The following NBAS variants were observed in gnomAD, a reference collection of about 807,000 sequenced individuals.
NBAS encodes NAG/BC035112 fusion.
A neutral mutation model predicts 302.5 loss-of-function variants in NBAS; 219 were observed. That is an observed-to-expected ratio of 0.72 (90% CI 0.65 to 0.81). The LOEUF is 0.81. NBAS is among the 30% of genes least tolerant of loss of function. The probability of loss-of-function intolerance (pLI) is 0.00; values close to 1 mark genes in which losing one functional copy is unlikely to be tolerated. For missense variants in NBAS, 2,932 were observed against 2,841.6 expected, an observed-to-expected ratio of 1.03 and a Z score of -0.72; for synonymous variants, 1,118 against 1,021.6, an observed-to-expected ratio of 1.09 and a Z score of -1.80.
chr2:15,496,568 TA>T (rs1012837601), intron 11 of NBAS, among the ~76,000 whole-genome samples: 5 of 150,730 alleles, frequency 3.3e-5, no homozygotes, highest in African/African-American at 1.2e-4. Flanking sequence ...TATTTCACAA[TA>T]AAAAGCTTAG....
intron 40 of NBAS, among the ~76,000 whole-genome samples, chr2:15,298,368 A>G (rs1402633509): frequency 5.3e-5 from 8 of 152,246 alleles, no homozygotes; most frequent in Admixed American, 3.3e-4. Context: ...ATTTCTCACA[A>G]AAGCTTCTAA....
At chr2:14,787,882 G>C in the NBAS span, among the ~76,000 whole-genome samples, 2 of 152,112 alleles carry the variant, frequency 1.3e-5, no homozygotes, top group African/African-American at 4.8e-5. Context: ...TTGCTAGATT[G>C]GGGAAGTTCT....
chr2:15,167,249 G>A lies in NBAS; in HGVS notation c.6915C>T (p.Ser2305=). Residue 2305 remains serine (S), a synonymous_variant, in exon 52 of 52, where the codon TCC becomes TCT. Coordinates refer to ENST00000281513, the MANE Select transcript of NBAS (RefSeq NM_015909.4). ...LDAKLLVKCV[S]TPFYPRIVDH... The stretch of plus-strand genomic sequence containing the variant: ...CAACAATACGTGGATAGAAGGGAGT[G>A]GAGACACACTTCACCAGCAGCTTGG... 6.2e-7 allele frequency: 1 copy of A among 1,614,218 alleles called. No homozygotes were observed. The highest frequency in any genetic ancestry group is 1.1e-5 in the South Asian group (1 of 91,088).
At position 15,472,791 on chromosome 2, in the gene NBAS, C is replaced by G. The variant is rs114751234; in HGVS notation, c.1725+431G>C. On this transcript the variant is annotated intron_variant, in intron 16 of 51. Transcript: ENST00000281513. The stretch of plus-strand genomic sequence containing the variant: ...GTTCATTCCCTTCATGGATATGTCC[C>G]TTCAGCCCTAGGGTAGTCCTTAGCG... Among the ~76,000 whole-genome samples, 536 of 152,324 alleles carry G rather than the reference C, an allele frequency of 3.5e-3. 1 individual carries two copies. The highest frequency in any genetic ancestry group is 6.8e-3 in the Middle Eastern group (2 of 294).
At chr2:14,973,140 C>T in the NBAS span, among the ~76,000 whole-genome samples, 1 of 152,174 alleles carries the variant, frequency 6.6e-6, no homozygotes, top group African/African-American at 2.4e-5. Context: ...TTATAATGCA[C>T]CTCAGCCCTG....
chr2:15,419,082 T>C (rs564079095), intron 23 of NBAS, among the ~76,000 whole-genome samples: 9 of 152,302 alleles, frequency 5.9e-5, no homozygotes, highest in African/African-American at 1.4e-4. Flanking sequence ...TCGCCATTCA[T>C]TGACTGATTA....
At chr2:14,859,631 T>A in the NBAS span, among the ~76,000 whole-genome samples, 293 of 152,206 alleles carry the variant, frequency 1.9e-3, no homozygotes, top group African/African-American at 6.7e-3. Flanking sequence ...TGGATATTCA[T>A]ATGCAAAAGA....
At chr2:15,452,946 T>C (rs1442073809) in intron 21 of NBAS, among the ~76,000 whole-genome samples, 2 of 152,220 alleles carry the variant, frequency 1.3e-5, no homozygotes, top group African/African-American at 4.8e-5. Flanking sequence ...TATTAGGAGA[T>C]ATGTGTTAGT....
At chr2:15,037,881 T>C in the NBAS span, among the ~76,000 whole-genome samples, 1 of 152,070 alleles carries the variant, frequency 6.6e-6, no homozygotes, top group African/African-American at 2.4e-5. Flanking sequence ...GTCATACTAT[T>C]TGGGATGCAT....
chr2:15,060,221 G>A, the NBAS span, among the ~76,000 whole-genome samples: 5 of 152,122 alleles, frequency 3.3e-5, no homozygotes, highest in Admixed American at 2.6e-4. Flanking sequence ...AGATGTGGAC[G>A]TGGATTTGTG....
the NBAS span, among the ~76,000 whole-genome samples, chr2:15,071,767 G>A: frequency 6.6e-6 from 1 of 151,960 alleles, no homozygotes; most frequent in African/African-American, 2.4e-5. Flanking sequence ...GATTTCTCCC[G>A]GGTGGTTAAG....
the NBAS span, among the ~76,000 whole-genome samples, chr2:14,897,156 G>A: frequency 3.3e-5 from 5 of 151,974 alleles, no homozygotes; most frequent in South Asian, 2.1e-4. Context: ...GCGAGCAGGT[G>A]GCAAAGCTGG....
At chr2:14,825,687 C>A in the NBAS span, among the ~76,000 whole-genome samples, 4 of 152,182 alleles carry the variant, frequency 2.6e-5, no homozygotes, top group East Asian at 7.7e-4. Flanking sequence ...TTATAATATA[C>A]CTTGCAAATA....
At chr2:14,883,322 A>C in the NBAS span, among the ~76,000 whole-genome samples, 2 of 152,206 alleles carry the variant, frequency 1.3e-5, no homozygotes, top group Non-Finnish European at 2.9e-5. Flanking sequence ...TATGCCCTTT[A>C]GTACTAATGT....
chr2:15,379,587 A>G lies in NBAS; in HGVS notation c.3590+15T>C. 6.2e-7 allele frequency: 1 copy of G among 1,609,694 alleles called. No homozygotes were observed. Among genetic ancestry groups the G allele is most frequent in the Non-Finnish European group, 8.5e-7 (1 of 1,176,250 alleles). On this transcript the variant is annotated intron_variant, in intron 30 of 51. Transcript: ENST00000281513. ...TTCCCCCTCCATCTTAGGGAAGAAT[A>G]TAGAGTTATTCTACCTGGCTAGATC...
the NBAS span, among the ~76,000 whole-genome samples, chr2:14,815,755 C>A: frequency 1.3e-5 from 2 of 152,136 alleles, no homozygotes; most frequent in African/African-American, 4.8e-5. Context: ...GACCCACAAG[C>A]ACCTCAAACC....
At chr2:14,781,947 T>C in the NBAS span, among the ~76,000 whole-genome samples, 1 of 152,104 alleles carries the variant, frequency 6.6e-6, no homozygotes, top group African/African-American at 2.4e-5. Context: ...GTCATAGCCC[T>C]AATGATTTTG....
At chr2:15,417,478 AT>A in intron 24 of NBAS, 48 bp downstream of exon 24, 1 of 1,501,860 alleles carries the variant, frequency 6.7e-7, no homozygotes, top group Non-Finnish European at 9.2e-7. Context: ...ATCAAAGTGC[AT>A]AGAAAATGCT....
At chr2:14,907,682 T>C in the NBAS span, 1 of 152,248 alleles carries the variant, frequency 6.6e-6, no homozygotes, top group Admixed American at 6.5e-5. Context: ...CCTTGACTAT[T>C]TCTTTTGACA....
Sources: gnomAD v4.1 joint callset for allele counts (sites outside exome capture counted in the v4.1 genomes callset) on GRCh38, gnomAD v4.1.1 for gene constraint, MANE v1.5 for transcripts, NCBI Gene and HGNC (gene_info 2026-07-23, HGNC 2026-07-21) for gene names.